UNC13B: variants seen among roughly 807,000 people sequenced by gnomAD.
The protein encoded by UNC13B is unc-13 homolog B, also known as protein unc-13 homolog B.
UNC13B carries 144 observed loss-of-function variants against 211.0 expected under a neutral mutation model. The ratio of observed to expected loss-of-function variants is 0.68; its 90% CI spans 0.60 to 0.78. UNC13B has a LOEUF of 0.78. Ranked by LOEUF, UNC13B falls within the 30% of genes least tolerant of loss-of-function variation. The pLI, the probability that UNC13B is intolerant of heterozygous loss-of-function variation, is 0.00. For missense variants in UNC13B, 1,777 were observed against 2,002.0 expected (o/e 0.89, Z 2.14); for synonymous variants, 709 against 725.8 (o/e 0.98, Z 0.37).
chr9:35,380,673 A>T, intron 18 of UNC13B, 34 bp downstream of exon 18: 1 of 1,613,628 alleles, frequency 6.2e-7, no homozygotes, highest in Non-Finnish European at 8.5e-7. Context: ...GTTGCTTGGA[A>T]GGGAAAGCAT....
chr9:35,277,305 G>T (rs1828233426), intron 7 of UNC13B, among the ~76,000 whole-genome samples: 1 of 152,198 alleles, frequency 6.6e-6, no homozygotes, highest in Non-Finnish European at 1.5e-5. Context: ...CTTGTAGATT[G>T]CTAGAAAGCT....
At chr9:35,197,658 G>C (rs1237778950) in intron 1 of UNC13B, among the ~76,000 whole-genome samples, 1 of 152,188 alleles carries the variant, frequency 6.6e-6, no homozygotes, top group Non-Finnish European at 1.5e-5. Context: ...GGGCCTGGTG[G>C]GAGGTGATGG....
Position 35,162,058 on chromosome 9 carries a change from A to C in UNC13B, c.-226A>C, listed in dbSNP as rs1820804925. On this transcript the variant is annotated 5_prime_UTR_variant, in exon 1 of 40. Coordinates refer to ENST00000635942, the MANE Select transcript of UNC13B (RefSeq NM_001371189.2). ...GCGATGGCGTCGCTGTGCCGCGCCCAGTCCCCAGCCTGCCGGCCGGTACTC... is the reference window on the plus strand; with the variant it reads ...GCGATGGCGTCGCTGTGCCGCGCCCCGTCCCCAGCCTGCCGGCCGGTACTC... 3.4e-6 allele frequency: 2 copies of C among 587,512 alleles called. No individual in the cohort carries two copies. The highest frequency in any genetic ancestry group is 5.8e-6 in the Non-Finnish European group (2 of 346,078). 36.4% of individuals were successfully genotyped at this position (587,512 alleles called of 1,614,324 possible). A position where few individuals can be genotyped will look rare whatever the true frequency, so the allele number is the denominator to read the frequency against.
intron 1 of UNC13B, among the ~76,000 whole-genome samples, chr9:35,171,708 G>A (rs144568209): frequency 8.5e-5 from 13 of 152,140 alleles, no homozygotes; most frequent in Non-Finnish European, 1.8e-4. Flanking sequence ...CCTACCCCAG[G>A]CTAGTTTATT....
chr9:35,250,739 T>C (rs1564093238), intron 6 of UNC13B, among the ~76,000 whole-genome samples: 1 of 152,282 alleles, frequency 6.6e-6, no homozygotes, highest in East Asian at 1.9e-4. Flanking sequence ...GCCAGCCTAT[T>C]TTCCAAAGTG....
chr9:35,282,310 A>AT (rs1828542657), intron 7 of UNC13B, among the ~76,000 whole-genome samples: 1 of 152,004 alleles, frequency 6.6e-6, no homozygotes, highest in Non-Finnish European at 1.5e-5. Flanking sequence ...TTTTATAATA[A>AT]TTACTCTCTT....
intron 1 of UNC13B, among the ~76,000 whole-genome samples, chr9:35,199,412 C>T (rs1027297632): frequency 3.9e-5 from 6 of 152,134 alleles, no homozygotes; most frequent in South Asian, 2.1e-4. Context: ...CTTGAGGAAT[C>T]GCCACACTGT....
Position 35,403,516 on chromosome 9 carries a change from A to T in UNC13B, c.12654A>T (p.Pro4218=). 6.2e-7 allele frequency: 1 copy of T among 1,614,062 alleles called. No homozygotes were observed. Residue 4218 remains proline (P), a synonymous_variant, in exon 39 of 40, where the codon CCA becomes CCT. Coordinates refer to ENST00000635942, the MANE Select transcript of UNC13B (RefSeq NM_001371189.2). ...TCGTGGAGGTGACTATGGTTGGCCC[A>T]CACCAAAGTGATAAGAAGAGGAAGT... ...RPFVEVTMVG[P]HQSDKKRKFT... is the part of the protein sequence containing the mutation.
chr9:35,368,197 C>T (rs1339341113), intron 12 of UNC13B, among the ~76,000 whole-genome samples: 2 of 151,994 alleles, frequency 1.3e-5, no homozygotes, highest in African/African-American at 2.4e-5. Context: ...TTTTTCTGCT[C>T]CTCTCCCTCC....
chr9:35,261,957 TC>T (rs1320763424), intron 7 of UNC13B, among the ~76,000 whole-genome samples: 3 of 152,272 alleles, frequency 2.0e-5, no homozygotes, highest in East Asian at 3.9e-4. Flanking sequence ...AGGATCTCAT[TC>T]TTTTTTTTTA....
chr9:35,292,361 C>G (rs1382835810), intron 7 of UNC13B, among the ~76,000 whole-genome samples: 1 of 152,148 alleles, frequency 6.6e-6, no homozygotes, highest in Non-Finnish European at 1.5e-5. Context: ...TCCTCTATGT[C>G]TTTTTATTTA....
intron 1 of UNC13B, among the ~76,000 whole-genome samples, chr9:35,209,363 C>G (rs547718792): frequency 5.2e-4 from 79 of 151,370 alleles, no homozygotes; most frequent in African/African-American, 1.4e-3. Flanking sequence ...CACGCCCAGC[C>G]TCCCTTCCAC....
intron 11 of UNC13B, among the ~76,000 whole-genome samples, chr9:35,324,229 G>A (rs1303839109): frequency 6.6e-6 from 1 of 152,092 alleles, no homozygotes; most frequent in Non-Finnish European, 1.5e-5. Context: ...TCCAAAGCAT[G>A]TTCCACAGGA....
intron 11 of UNC13B, among the ~76,000 whole-genome samples, chr9:35,325,674 C>A (rs1189117704): frequency 6.6e-6 from 1 of 152,178 alleles, no homozygotes; most frequent in Non-Finnish European, 1.5e-5. Context: ...ATCACCACTA[C>A]CTAATTCCAG....
intron 3 of UNC13B, among the ~76,000 whole-genome samples, chr9:35,234,915 AAGCTTCTACTTGTGATAAAT>A (rs1393188756): frequency 6.6e-6 from 1 of 152,168 alleles, no homozygotes; most frequent in Non-Finnish European, 1.5e-5. Context: ...TACAGACTTG[AAGCTTCTACTTGTGATAAAT>A]AGCTGTTGTT....
chr9:35,216,743 T>C (rs1824270863), intron 1 of UNC13B, among the ~76,000 whole-genome samples: 1 of 152,086 alleles, frequency 6.6e-6, no homozygotes, highest in Non-Finnish European at 1.5e-5. Context: ...AAATAGAAAA[T>C]AAAATGTCAG....
chr9:35,222,525 A>T (rs1824618632), intron 1 of UNC13B, among the ~76,000 whole-genome samples: 2 of 152,172 alleles, frequency 1.3e-5, no homozygotes, highest in African/African-American at 4.8e-5. Context: ...GAAAGATAAG[A>T]TGGTTCATGC....
chr9:35,295,780 A>G lies in UNC13B; in HGVS notation c.611A>G (p.His204Arg), dbSNP rs745700736. ...ETSNSFPPPYHTASQPNASVH... is the reference protein window; with the variant it reads ...ETSNSFPPPYRTASQPNASVH... ...AGCAACAGCTTCCCACCTCCTTACC[A>G]TACAGCTTCCCAGCCCAACGCTTCT... The change falls in exon 8 of 40, where the codon CAT becomes CGT. Residue 204 changes from histidine (H) to arginine (R), a missense_variant. Transcript: ENST00000635942. 10 of 1,613,858 alleles carry G rather than the reference A, an allele frequency of 6.2e-6. No homozygotes were observed. Among genetic ancestry groups the G allele is most frequent in the African/African-American group, 1.3e-5 (1 of 74,816 alleles).
chr9:35,398,713 C>G, intron 32 of UNC13B, 71 bp downstream of exon 32: 1 of 1,579,978 alleles, frequency 6.3e-7, no homozygotes, highest in Non-Finnish European at 8.7e-7. Context: ...GCCCTTGCCC[C>G]ACACCTCTCC....
Sources: gnomAD v4.1 joint callset for allele counts (sites outside exome capture counted in the v4.1 genomes callset) on GRCh38, gnomAD v4.1.1 for gene constraint, MANE v1.5 for transcripts, NCBI Gene and HGNC (gene_info 2026-07-23, HGNC 2026-07-21) for gene names.